The following ARSG variants were observed in gnomAD, a reference collection of about 807,000 sequenced individuals.
ARSG encodes the protein ASG.
A neutral mutation model predicts 50.5 loss-of-function variants in ARSG; 37 were observed. The observed-to-expected ratio is 0.73, with a 90% CI of 0.56 to 0.96. ARSG has a LOEUF of 0.96. Ranked by LOEUF, ARSG falls within the 50% of genes least tolerant of loss-of-function variation. The pLI is 0.00. For missense variants in ARSG, 629 were observed against 675.3 expected, an observed-to-expected ratio of 0.93 and a Z score of 0.76; for synonymous variants, 225 against 254.6, an observed-to-expected ratio of 0.88 and a Z score of 1.11.
intron 2 of ARSG, among the ~76,000 whole-genome samples, chr17:68,329,357 C>T (rs930850870): frequency 6.6e-6 from 1 of 152,208 alleles, no homozygotes; most frequent in Admixed American, 6.5e-5. Context: ...CGTGTCATGT[C>T]ACATCTGGAA....
At chr17:68,292,429 C>T (rs1213495177) in intron 1 of ARSG, among the ~76,000 whole-genome samples, 2 of 152,212 alleles carry the variant, frequency 1.3e-5, no homozygotes, top group Non-Finnish European at 2.9e-5. Flanking sequence ...AAGCATGTGT[C>T]AGATCCTAGA....
downstream of ARSG, chr17:68,426,141 T>G: frequency 6.2e-7 from 1 of 1,610,474 alleles, no homozygotes; most frequent in Admixed American, 1.7e-5. Flanking sequence ...CAGGAATAAC[T>G]TCTCCTCGCA....
rs2077710183 is a variant in ARSG at position 68,330,982 on chromosome 17, G to GT, written c.219-12622_219-12621insT. The stretch of plus-strand genomic sequence containing the variant: ...TTCTTTATTTCTTTTTTTTTGCGGG[G>GT]GGGGGGGGAGGTGGTGGGCGGGGAC... On this transcript the variant is annotated intron_variant, in intron 2 of 11. Transcript: ENST00000621439. Among the ~76,000 whole-genome samples the GT allele has an allele frequency of 3.0e-5, 4 of 132,244 alleles. 1 individual carries two copies. The highest frequency in any genetic ancestry group is 2.7e-5 in the African/African-American group (1 of 37,594). The allele number at this position is 132,244 out of a possible 152,430, so 86.8% of individuals were successfully genotyped here.
the ARSG span, among the ~76,000 whole-genome samples, chr17:68,443,617 G>A: frequency 6.6e-6 from 1 of 152,182 alleles, no homozygotes; most frequent in Non-Finnish European, 1.5e-5. Flanking sequence ...ATTCATAAGG[G>A]AACCAAGGTT....
At chr17:68,327,728 G>C (rs2077564300) in intron 2 of ARSG, among the ~76,000 whole-genome samples, 1 of 152,138 alleles carries the variant, frequency 6.6e-6, no homozygotes. Flanking sequence ...ATCTTTTGGG[G>C]GGACGCAGCC....
At position 68,368,596 on chromosome 17, in the gene ARSG, C is replaced by T. The variant is rs143435693; in HGVS notation, c.753C>T (p.His251=). Residue 251 remains histidine (H), a synonymous_variant, in exon 7 of 12, where the codon CAC becomes CAT. Transcript: ENST00000621439. ...FLLYVALAHM[H]VPLPVTQLPA... is the part of the protein sequence containing the mutation. ...TCTATGTGGCTCTGGCCCACATGCA[C>T]GTGCCCTTACCTGTGACTCAGCTAC... 3.5e-5 allele frequency: 57 copies of T among 1,614,168 alleles called. No individual in the cohort carries two copies. In the East Asian group the frequency reaches 6.0e-4, roughly 17 times the overall value.
chr17:68,332,165 G>T (rs2077804635), intron 2 of ARSG, among the ~76,000 whole-genome samples: 1 of 152,144 alleles, frequency 6.6e-6, no homozygotes, highest in South Asian at 2.1e-4. Context: ...TTCCCAAAGT[G>T]GCCATTTTAG....
At chr17:68,329,023 C>T (rs1376591453) in intron 2 of ARSG, among the ~76,000 whole-genome samples, 2 of 152,148 alleles carry the variant, frequency 1.3e-5, no homozygotes, top group East Asian at 1.9e-4. Context: ...AAGACAAATC[C>T]CTGAACAAGA....
intron 11 of ARSG, among the ~76,000 whole-genome samples, chr17:68,413,395 C>T (rs1166404558): frequency 6.6e-6 from 1 of 152,276 alleles, no homozygotes; most frequent in Non-Finnish European, 1.5e-5. Flanking sequence ...AGGTGTCAGT[C>T]TGCCCCTGCT....
the ARSG span, among the ~76,000 whole-genome samples, chr17:68,442,783 C>T: frequency 6.6e-6 from 1 of 152,204 alleles, no homozygotes; most frequent in Non-Finnish European, 1.5e-5. Flanking sequence ...CAGAGTTAAA[C>T]ATGGTTCCAC....
intron 2 of ARSG, among the ~76,000 whole-genome samples, chr17:68,338,446 C>T (rs998552239): frequency 6.6e-6 from 1 of 152,164 alleles, no homozygotes; most frequent in Non-Finnish European, 1.5e-5. Context: ...CTTCAACTTT[C>T]AAGACAAGCT....
At chr17:68,281,289 C>A (rs556679946) in intron 1 of ARSG, among the ~76,000 whole-genome samples, 131 of 151,758 alleles carry the variant, frequency 8.6e-4, no homozygotes, top group Middle Eastern at 3.4e-3. Context: ...GGTGAACAGG[C>A]TGGTGGCGGT....
downstream of ARSG, among the ~76,000 whole-genome samples, chr17:68,423,234 G>A (rs555057223): frequency 1.3e-5 from 2 of 151,972 alleles, no homozygotes; most frequent in African/African-American, 2.4e-5. This position sits in a 1 kb window ranked among gnomAD's most constrained non-coding sequence, Gnocchi z 4.4. Flanking sequence ...TCAGAATAAG[G>A]AGACAGAGAG....
chr17:68,322,331 G>A (rs1484649721), intron 2 of ARSG, among the ~76,000 whole-genome samples: 1 of 152,156 alleles, frequency 6.6e-6, no homozygotes, highest in African/African-American at 2.4e-5. Flanking sequence ...TCCCGCTGTA[G>A]AAATGTACGA....
At chr17:68,416,790 T>TGGA (rs146791223) in intron 11 of ARSG, among the ~76,000 whole-genome samples, 4 of 151,586 alleles carry the variant, frequency 2.6e-5, no homozygotes, top group East Asian at 1.9e-4. Flanking sequence ...TTTGCATTAC[T>TGGA]AGAAGTATGT....
At chr17:68,392,167 T>C (rs1019666609) in intron 9 of ARSG, among the ~76,000 whole-genome samples, 13 of 152,336 alleles carry the variant, frequency 8.5e-5, no homozygotes, top group Middle Eastern at 3.4e-3. Context: ...CTTGGGAAAG[T>C]CCAGCTTCGC....
chr17:68,381,148 G>A lies in ARSG; in HGVS notation c.983-3916G>A, dbSNP rs2080411286. On this transcript the variant is annotated intron_variant, in intron 8 of 11. Coordinates refer to ENST00000621439, the MANE Select transcript of ARSG (RefSeq NM_001267727.2). The surrounding 1 kb of genome is among the most constrained non-coding windows in gnomAD (Gnocchi z 4.1). ...TTGCCTTTCTGACTCAGTGAAACAT[G>A]GCCCTTGGGTCCCAGCCAAGAAAGA... 6.6e-6 allele frequency among the ~76,000 whole-genome samples: 1 copy of A among 152,098 alleles called. No homozygotes were observed. The highest frequency in any genetic ancestry group is 1.5e-5 in the Non-Finnish European group (1 of 68,032).
In ARSG at chr17:68,308,862, C is replaced by T. The variant is rs375906947; in HGVS notation, c.218+1151C>T. Among the ~76,000 whole-genome samples, 10 of 152,380 alleles carry T rather than the reference C, an allele frequency of 6.6e-5. No homozygotes were observed. In the East Asian group the frequency reaches 9.6e-4, roughly 15 times the overall value. The stretch of plus-strand genomic sequence containing the variant: ...CCAGCTGGCTTCACCCAGTGGATCC[C>T]GCACCGGCGCTGCAGGTGGAGCTGC... On this transcript the variant is annotated intron_variant, in intron 2 of 11. Coordinates refer to ENST00000621439, the MANE Select transcript of ARSG (RefSeq NM_001267727.2).
At chr17:68,374,598 T>A (rs2080050345) in intron 8 of ARSG, among the ~76,000 whole-genome samples, 1 of 152,114 alleles carries the variant, frequency 6.6e-6, no homozygotes, top group Non-Finnish European at 1.5e-5. Flanking sequence ...ATGCCTGTAG[T>A]CCTAGCACTT....
Sources: allele counts gnomAD v4.1 joint callset (sites outside exome capture counted in the v4.1 genomes callset), GRCh38; gene constraint gnomAD v4.1.1; non-coding constraint Gnocchi (gnomAD v3.1); transcripts MANE v1.5; gene names NCBI Gene and HGNC (gene_info 2026-07-23, HGNC 2026-07-21).